The following IL1RAPL1 variants were observed in gnomAD, a reference collection of about 807,000 sequenced individuals.
The protein encoded by IL1RAPL1 is interleukin 1 receptor accessory protein like 1.
Under a neutral mutation model 48.4 loss-of-function variants are expected in IL1RAPL1, and 3 were observed. The ratio of observed to expected loss-of-function variants is 0.06; its 90% CI spans 0.03 to 0.16. The LOEUF (loss-of-function observed/expected upper bound fraction) is 0.16, where lower values mean the gene tolerates loss of function less well. Ranked by LOEUF, IL1RAPL1 falls within the 10% of genes least tolerant of loss-of-function variation. The probability of loss-of-function intolerance (pLI) is 1.00; values close to 1 mark genes in which losing one functional copy is unlikely to be tolerated. For synonymous variants in IL1RAPL1, 185 were observed against 187.7 expected, an observed-to-expected ratio of 0.99 and a Z score of 0.12; for missense variants, 349 against 530.6, an observed-to-expected ratio of 0.66 and a Z score of 3.36.
intron 5 of IL1RAPL1, among the ~76,000 whole-genome samples, chrX:29,514,740 G>A (rs917465139): frequency 1.2e-4 from 14 of 112,428 alleles, no homozygotes; most frequent in Middle Eastern, 9.3e-3. Flanking sequence ...GTGAGCCACC[G>A]CACCTGGCAA....
chrX:29,690,773 A>G (rs990695706), intron 6 of IL1RAPL1, among the ~76,000 whole-genome samples: 1 of 111,799 alleles, frequency 8.9e-6, no homozygotes, highest in Non-Finnish European at 1.9e-5. Flanking sequence ...ACTGTTGATT[A>G]TTTCTACAAA....
At chrX:29,424,069 T>C (rs1934322479) in intron 5 of IL1RAPL1, among the ~76,000 whole-genome samples, 2 of 111,534 alleles carry the variant, frequency 1.8e-5, no homozygotes, top group South Asian at 7.5e-4. Context: ...ATGAGATGAA[T>C]GATCATAAAG....
intron 2 of IL1RAPL1, among the ~76,000 whole-genome samples, chrX:29,275,642 A>C (rs1284052357): frequency 1.8e-5 from 2 of 112,264 alleles, no homozygotes; most frequent in African/African-American, 6.5e-5. Flanking sequence ...GAGGTAAAAC[A>C]AACTTCTTGC....
intron 2 of IL1RAPL1, among the ~76,000 whole-genome samples, chrX:29,149,910 T>G (rs1305781330): frequency 9.0e-6 from 1 of 111,655 alleles, no homozygotes; most frequent in African/African-American, 3.3e-5. Flanking sequence ...TGTTGTAGAA[T>G]GAGTGCTGGA....
At chrX:29,500,010 C>G (rs1415448893) in intron 5 of IL1RAPL1, among the ~76,000 whole-genome samples, 1 of 109,313 alleles carries the variant, frequency 9.1e-6, no homozygotes, top group Non-Finnish European at 1.9e-5. Context: ...GAGTCTCACT[C>G]TCTTGCCCAG....
rs146630288 is a variant in IL1RAPL1, at chrX:29,363,015, G to A, written c.363-33243G>A. The stretch of plus-strand genomic sequence containing the variant: ...AGACGAGAAAACTGAGGCACGGGAA[G>A]GTTAAGTGGCATACCTACAGTATGT... On this transcript the variant is annotated intron_variant, in intron 3 of 10. Transcript: ENST00000378993. Among the ~76,000 whole-genome samples, 677 of 111,515 alleles carry A rather than the reference G, an allele frequency of 6.1e-3. 6 individuals carry two copies. Among genetic ancestry groups the A allele is most frequent in the African/African-American group, 0.021 (631 of 30,731 alleles).
At chrX:29,513,437 C>T (rs995236513) in intron 5 of IL1RAPL1, among the ~76,000 whole-genome samples, 1 of 111,764 alleles carries the variant, frequency 8.9e-6, no homozygotes, top group Non-Finnish European at 1.9e-5. Flanking sequence ...TTTAACCAAT[C>T]TCCAATTGAT....
rs757165756 is a variant in IL1RAPL1 at position 29,698,171 on chromosome X, C to CT, written c.778+29684dup. On this transcript the variant is annotated intron_variant, in intron 6 of 10. Coordinates refer to ENST00000378993, the MANE Select transcript of IL1RAPL1 (RefSeq NM_014271.4). Reference sequence around the variant, plus strand: ...TGGTCTTTACTATTTCTGGAATGTTCTTTTTTTTTTTTTTTTTGAGATGAA... The same window carrying CT: ...TGGTCTTTACTATTTCTGGAATGTTCTTTTTTTTTTTTTTTTTTGAGATGAA... Among the ~76,000 whole-genome samples, 228 of 93,842 alleles carry CT rather than the reference C, an allele frequency of 2.4e-3. 1 individual carries two copies. The Middle Eastern group carries it at 0.029, about 12-fold the overall frequency. The allele number at this position is 93,842 out of a possible 115,157, so 81.5% of individuals were successfully genotyped here. A position where few individuals can be genotyped will look rare whatever the true frequency, so the allele number is the denominator to read the frequency against.
At chrX:29,803,316 TATATGTATAC>T (rs1930120320) in intron 6 of IL1RAPL1, among the ~76,000 whole-genome samples, 1 of 58,523 alleles carries the variant, frequency 1.7e-5, no homozygotes, top group African/African-American at 7.3e-5. Flanking sequence ...CACACATGTA[TATATGTATAC>T]ATGTATACAC....
At chrX:29,021,215 G>GAAAAAA (rs746008500) in intron 2 of IL1RAPL1, among the ~76,000 whole-genome samples, 155 of 41,832 alleles carry the variant, frequency 3.7e-3, no homozygotes, top group East Asian at 0.012. Context: ...CCGTCTCAAG[G>GAAAAAA]AAAAAAAAAA....
chrX:29,028,226 C>T (rs1296244896), intron 2 of IL1RAPL1, among the ~76,000 whole-genome samples: 1 of 108,917 alleles, frequency 9.2e-6, no homozygotes, highest in Non-Finnish European at 1.9e-5. Flanking sequence ...ATTTTGTGTC[C>T]TTTGACTCCC....
intron 2 of IL1RAPL1, among the ~76,000 whole-genome samples, chrX:29,229,935 C>G (rs1448493820): frequency 8.9e-6 from 1 of 112,099 alleles, no homozygotes; most frequent in Non-Finnish European, 1.9e-5. Flanking sequence ...CATGATCAGT[C>G]ACAGCACACT....
chrX:28,927,256 A>G (rs1043557221), intron 2 of IL1RAPL1, among the ~76,000 whole-genome samples: 1 of 111,492 alleles, frequency 9.0e-6, no homozygotes, highest in African/African-American at 3.3e-5. Context: ...ACCTGTTCTC[A>G]TATCATGTCC....
In IL1RAPL1 at chrX:29,176,744, A is replaced by T. The variant is rs748503507; in HGVS notation, c.83-106194A>T. 6.3e-5 allele frequency among the ~76,000 whole-genome samples: 7 copies of T among 110,819 alleles called. No homozygotes were observed. The South Asian group carries it at 2.3e-3, about 37-fold the overall frequency. On this transcript the variant is annotated intron_variant, in intron 2 of 10. Coordinates refer to ENST00000378993, the MANE Select transcript of IL1RAPL1 (RefSeq NM_014271.4). ...TAGACTTTCTGTATGATGAATGGGT[A>T]TTAGTTTGAAAATGTGTCCCCTTTC...
intron 3 of IL1RAPL1, among the ~76,000 whole-genome samples, chrX:29,304,121 T>C (rs1425475604): frequency 9.0e-6 from 1 of 111,016 alleles, no homozygotes; most frequent in Non-Finnish European, 1.9e-5. Flanking sequence ...TACCTGCCCG[T>C]CCCCTCCAGT....
chrX:29,870,563 A>G (rs925253009), intron 6 of IL1RAPL1, among the ~76,000 whole-genome samples: 3 of 111,496 alleles, frequency 2.7e-5, no homozygotes, highest in East Asian at 2.8e-4. Context: ...TTTTGATGCT[A>G]TCTTATAGAT....
chrX:28,955,426 G>T (rs1256388696), intron 2 of IL1RAPL1, among the ~76,000 whole-genome samples: 1 of 110,942 alleles, frequency 9.0e-6, no homozygotes, highest in African/African-American at 3.3e-5. Flanking sequence ...AAATACATTA[G>T]GTCGAATCAT....
At chrX:28,688,160 AC>A (rs1935134920) in intron 1 of IL1RAPL1, among the ~76,000 whole-genome samples, 2 of 102,368 alleles carry the variant, frequency 2.0e-5, no homozygotes, top group African/African-American at 3.6e-5. Flanking sequence ...TGCAGAAACT[AC>A]CCTTTGTGAA....
At position 29,869,051 on chromosome X, in the gene IL1RAPL1, G is replaced by A. The variant is rs763679446; in HGVS notation, c.779-48413G>A. Among the ~76,000 whole-genome samples, 3 of 112,307 alleles carry A rather than the reference G, an allele frequency of 2.7e-5. No individual in the cohort carries two copies. The South Asian group carries it at 1.1e-3, about 41-fold the overall frequency. ...GGGAGAGGATAGACAGGAAAGGGAA[G>A]CTACTGAAAGCCTTCTTTTGAAATA... On this transcript the variant is annotated intron_variant, in intron 6 of 10. Coordinates refer to ENST00000378993, the MANE Select transcript of IL1RAPL1 (RefSeq NM_014271.4).
Sources: gnomAD v4.1 joint callset for allele counts (sites outside exome capture counted in the v4.1 genomes callset) on GRCh38, gnomAD v4.1.1 for gene constraint, MANE v1.5 for transcripts, NCBI Gene and HGNC (gene_info 2026-07-23, HGNC 2026-07-21) for gene names.